FAM3C: variants seen among roughly 807,000 people sequenced by gnomAD.
The protein encoded by FAM3C is FAM3 metabolism regulating signaling molecule C.
Under a neutral mutation model 32.5 loss-of-function variants are expected in FAM3C, and 15 were observed. The ratio of observed to expected loss-of-function variants is 0.46; its 90% CI spans 0.31 to 0.71. The LOEUF is 0.71. Ranked by LOEUF, FAM3C falls within the 30% of genes least tolerant of loss-of-function variation. The pLI is 0.05. For missense variants in FAM3C, 175 were observed against 274.4 expected, an observed-to-expected ratio of 0.64 and a Z score of 2.56; for synonymous variants, 75 against 86.1, an observed-to-expected ratio of 0.87 and a Z score of 0.72.
At chr7:121,364,020 T>A in intron 6 of FAM3C, 110 bp downstream of exon 6, 1 of 739,878 alleles carries the variant, frequency 1.4e-6, no homozygotes, top group Non-Finnish European at 2.4e-6. Context: ...GACAGAGGGC[T>A]TTATCATCAA....
chr7:121,357,219 A>G (rs1380856538), intron 8 of FAM3C, among the ~76,000 whole-genome samples: 1 of 152,098 alleles, frequency 6.6e-6, no homozygotes, highest in Non-Finnish European at 1.5e-5. Context: ...ATCAGAGACG[A>G]CGAGAGAGAG....
intron 3 of FAM3C, among the ~76,000 whole-genome samples, chr7:121,373,585 A>G (rs1293326991): frequency 2.0e-5 from 3 of 152,238 alleles, no homozygotes. Context: ...CATTTCATCA[A>G]TGAATGTCCT....
intron 1 of FAM3C, among the ~76,000 whole-genome samples, chr7:121,395,585 C>T (rs898659941): frequency 1.1e-4 from 16 of 152,088 alleles, no homozygotes; most frequent in African/African-American, 3.9e-4. Context: ...CACTAATCAT[C>T]ATCCGTGGTC....
At chr7:121,374,276 T>C (rs1236312313) in intron 3 of FAM3C, among the ~76,000 whole-genome samples, 1 of 152,164 alleles carries the variant, frequency 6.6e-6, no homozygotes, top group Non-Finnish European at 1.5e-5. Flanking sequence ...TAAAAAACAA[T>C]ACAATTATCT....
At chr7:121,355,532 G>A (rs1562882999) in intron 8 of FAM3C, among the ~76,000 whole-genome samples, 1 of 152,136 alleles carries the variant, frequency 6.6e-6, no homozygotes, top group Non-Finnish European at 1.5e-5. Flanking sequence ...GGGAAGGAGA[G>A]GGAAATAAGT....
intron 3 of FAM3C, among the ~76,000 whole-genome samples, chr7:121,375,931 GTGCAACT>G (rs1378063247): frequency 2.0e-5 from 3 of 152,118 alleles, no homozygotes; most frequent in Non-Finnish European, 4.4e-5. Flanking sequence ...AGAAAAATAT[GTGCAACT>G]TGCTTTTGAG....
At chr7:121,393,234 G>A (rs1482928383) in intron 1 of FAM3C, among the ~76,000 whole-genome samples, 2 of 152,098 alleles carry the variant, frequency 1.3e-5, no homozygotes, top group East Asian at 3.9e-4. Flanking sequence ...GAGGTCGAAG[G>A]ATCACCTGAG....
chr7:121,393,207 C>T (rs1226696952), intron 1 of FAM3C, among the ~76,000 whole-genome samples: 1 of 152,098 alleles, frequency 6.6e-6, no homozygotes, highest in African/African-American at 2.4e-5. Flanking sequence ...TCTGTAATCC[C>T]AGAGCTTTGG....
At chr7:121,366,230 G>A (rs1334183803) in intron 5 of FAM3C, among the ~76,000 whole-genome samples, 1 of 152,114 alleles carries the variant, frequency 6.6e-6, no homozygotes, top group African/African-American at 2.4e-5. Context: ...CACATAAAAT[G>A]TGTACATAAA....
intron 1 of FAM3C, among the ~76,000 whole-genome samples, chr7:121,388,473 G>A (rs1292514993): frequency 6.6e-6 from 1 of 152,072 alleles, no homozygotes; most frequent in African/African-American, 2.4e-5. Context: ...TACTAGGAAT[G>A]ACAAATTTTT....
intron 1 of FAM3C, among the ~76,000 whole-genome samples, chr7:121,395,301 A>G: frequency 6.6e-6 from 1 of 150,700 alleles, no homozygotes; most frequent in East Asian, 1.9e-4. Flanking sequence ...ACATACATAT[A>G]TATGGATACA....
intron 8 of FAM3C, among the ~76,000 whole-genome samples, chr7:121,353,824 C>T (rs1793756980): frequency 1.3e-5 from 2 of 152,200 alleles, no homozygotes; most frequent in Admixed American, 1.3e-4. Context: ...CTTTGTCCCT[C>T]CAGACTTTGT....
chr7:121,369,364 TG>T (rs1794096416), intron 5 of FAM3C, among the ~76,000 whole-genome samples: 1 of 152,202 alleles, frequency 6.6e-6, no homozygotes, highest in Non-Finnish European at 1.5e-5. Context: ...GGAGGGATTA[TG>T]CTCAAAAATA....
chr7:121,375,646 G>A (rs1423621588), intron 3 of FAM3C, among the ~76,000 whole-genome samples: 1 of 152,146 alleles, frequency 6.6e-6, no homozygotes, highest in African/African-American at 2.4e-5. Flanking sequence ...AAAGGGTGAG[G>A]ACAGACATGA....
In FAM3C at chr7:121,350,500, A is replaced by G; in HGVS notation, c.645T>C (p.Val215=). The G allele has an allele frequency of 6.2e-7, 1 of 1,612,612 alleles. No homozygotes were observed. Among genetic ancestry groups the G allele is most frequent in the Non-Finnish European group, 8.5e-7 (1 of 1,179,406 alleles). ...DTNKYEGWPE[V]VEMEGCIPQK... ...GGGGGATGCATCCTTCCATTTCTAC[A>G]ACTTCAGGCCATCCTTCATATTTGT... is the stretch of plus-strand genomic sequence containing the variant. The change falls in exon 10 of 10, where the codon GTT becomes GTC. Residue 215 remains valine (V), a synonymous_variant. Coordinates refer to ENST00000359943, the MANE Select transcript of FAM3C (RefSeq NM_014888.3).
At chr7:121,381,852 T>C (rs1490521892) in intron 2 of FAM3C, among the ~76,000 whole-genome samples, 6 of 152,202 alleles carry the variant, frequency 3.9e-5, no homozygotes, top group African/African-American at 1.4e-4. Context: ...CAAAAGCATT[T>C]GTAACAGCCC....
chr7:121,387,381 G>A (rs573893688), intron 1 of FAM3C, among the ~76,000 whole-genome samples: 22 of 152,214 alleles, frequency 1.4e-4, no homozygotes, highest in African/African-American at 3.4e-4. Context: ...GCTGGGCTAC[G>A]TGTAGGACAT....
chr7:121,353,228 A>G (rs1267998506), intron 8 of FAM3C, among the ~76,000 whole-genome samples: 2 of 152,368 alleles, frequency 1.3e-5, no homozygotes, highest in Admixed American at 6.5e-5. Context: ...AATCTTATCC[A>G]AGAATTTTGC....
At chr7:121,357,208 G>C (rs143762132) in intron 8 of FAM3C, among the ~76,000 whole-genome samples, 1 of 152,230 alleles carries the variant, frequency 6.6e-6, no homozygotes, top group Non-Finnish European at 1.5e-5. Context: ...GAGAAACTAG[G>C]ATCAGAGACG....
Sources: allele counts gnomAD v4.1 joint callset (sites outside exome capture counted in the v4.1 genomes callset), GRCh38; gene constraint gnomAD v4.1.1; transcripts MANE v1.5; gene names NCBI Gene and HGNC (gene_info 2026-07-23, HGNC 2026-07-21).